RABGAP1L: variants seen among roughly 807,000 people sequenced by gnomAD.
The protein encoded by RABGAP1L is rab GTPase-activating protein 1-like.
Under a neutral mutation model 137.7 loss-of-function variants are expected in RABGAP1L, and 63 were observed. That is an observed-to-expected ratio of 0.46 (90% CI 0.37 to 0.56). The LOEUF (loss-of-function observed/expected upper bound fraction) is 0.56. Ranked by LOEUF, RABGAP1L falls within the 20% of genes least tolerant of loss-of-function variation. The probability of loss-of-function intolerance (pLI) is 0.00; values close to 1 mark genes in which losing one functional copy is unlikely to be tolerated. For synonymous variants in RABGAP1L, 431 were observed against 433.7 expected, an observed-to-expected ratio of 0.99 and a Z score of 0.08; for missense variants, 1,095 against 1,244.0, an observed-to-expected ratio of 0.88 and a Z score of 1.80.
intron 11 of RABGAP1L, among the ~76,000 whole-genome samples, chr1:174,356,755 G>A (rs1004676182): frequency 5.9e-5 from 9 of 152,034 alleles, no homozygotes; most frequent in African/African-American, 2.2e-4. Flanking sequence ...GATAATAAGA[G>A]ATAAAACAAA....
At chr1:174,937,474 T>TG (rs1468396510) in intron 19 of RABGAP1L, among the ~76,000 whole-genome samples, 1 of 147,948 alleles carries the variant, frequency 6.8e-6, no homozygotes, top group Non-Finnish European at 1.5e-5. Context: ...TTAGTAGAGA[T>TG]GGGGTTTCAC....
intron 19 of RABGAP1L, among the ~76,000 whole-genome samples, chr1:174,921,396 A>T (rs1014080357): frequency 6.6e-6 from 1 of 152,220 alleles, no homozygotes; most frequent in African/African-American, 2.4e-5. Flanking sequence ...GTGGACAGAT[A>T]CATTTGTTTT....
chr1:174,761,888 T>C lies in RABGAP1L; in HGVS notation c.2211+9534T>C, dbSNP rs147153338. On this transcript the variant is annotated intron_variant, in intron 18 of 25. Coordinates refer to ENST00000681986, the MANE Select transcript of RABGAP1L (RefSeq NM_001366446.1). The surrounding 1 kb of genome is among the most constrained non-coding windows in gnomAD (Gnocchi z 4.0). The stretch of plus-strand genomic sequence containing the variant: ...CCATATCAACAATAAACATAATAAA[T>C]ATATAAATATAGTATATTAGAAGTT... Among the ~76,000 whole-genome samples, 409 of 152,074 alleles carry C rather than the reference T, an allele frequency of 2.7e-3. 1 individual carries two copies. Among genetic ancestry groups the C allele is most frequent in the Non-Finnish European group, 4.8e-3 (329 of 67,996 alleles).
At chr1:174,744,295 A>C (rs1558038722) in intron 17 of RABGAP1L, among the ~76,000 whole-genome samples, 1 of 152,134 alleles carries the variant, frequency 6.6e-6, no homozygotes, top group Non-Finnish European at 1.5e-5. Flanking sequence ...TTTGGCTAAT[A>C]TTCTAAATAT....
At chr1:174,824,456 C>T (rs1691367903) in intron 19 of RABGAP1L, among the ~76,000 whole-genome samples, 1 of 152,094 alleles carries the variant, frequency 6.6e-6, no homozygotes, top group African/African-American at 2.4e-5. Context: ...GATCGTGCCA[C>T]TGCACTCTGG....
intron 17 of RABGAP1L, among the ~76,000 whole-genome samples, chr1:174,751,104 T>G (rs997943915): frequency 1.3e-4 from 20 of 152,220 alleles, no homozygotes; most frequent in Admixed American, 5.2e-4. Flanking sequence ...CTGATTATAC[T>G]TATTTCCTAT....
intron 14 of RABGAP1L, among the ~76,000 whole-genome samples, chr1:174,639,308 T>G (rs1444691090): frequency 6.6e-6 from 1 of 152,304 alleles, no homozygotes; most frequent in Middle Eastern, 3.4e-3. Context: ...GAGAGTATAC[T>G]GATCTTTAGA....
chr1:174,948,341 C>T (rs1038272727), intron 19 of RABGAP1L, among the ~76,000 whole-genome samples: 1 of 151,582 alleles, frequency 6.6e-6, no homozygotes. Flanking sequence ...GTCAACATAG[C>T]GAGACCCTGT....
intron 19 of RABGAP1L, among the ~76,000 whole-genome samples, chr1:174,913,643 C>T (rs147954334): frequency 6.6e-6 from 1 of 152,188 alleles, no homozygotes; most frequent in African/African-American, 2.4e-5. Flanking sequence ...CTGCCATGGT[C>T]GTATTTTAAA....
intron 19 of RABGAP1L, among the ~76,000 whole-genome samples, chr1:174,835,922 G>C (rs1288530035): frequency 6.6e-6 from 1 of 152,154 alleles, no homozygotes; most frequent in Non-Finnish European, 1.5e-5. Flanking sequence ...CACCCAAAGT[G>C]ACCTCGGAAG....
At chr1:174,661,716 G>C (rs1007887125) in intron 14 of RABGAP1L, among the ~76,000 whole-genome samples, 1 of 152,088 alleles carries the variant, frequency 6.6e-6, no homozygotes, top group Non-Finnish European at 1.5e-5. Context: ...ATACCATTAT[G>C]CATCCTGTAA....
intron 13 of RABGAP1L, among the ~76,000 whole-genome samples, chr1:174,412,092 A>G (rs2149132871): frequency 6.6e-6 from 1 of 152,210 alleles, no homozygotes; most frequent in Non-Finnish European, 1.5e-5. Context: ...GAAGTTCCCC[A>G]CTATTACTGT....
chr1:174,939,028 T>C (rs549837641), intron 19 of RABGAP1L, among the ~76,000 whole-genome samples: 1 of 152,228 alleles, frequency 6.6e-6, no homozygotes, highest in Non-Finnish European at 1.5e-5. Context: ...TTTACTTGTG[T>C]TTGGCCAAGC....
intron 1 of RABGAP1L, among the ~76,000 whole-genome samples, chr1:174,195,399 T>C (rs1188105855): frequency 6.6e-6 from 1 of 152,204 alleles, no homozygotes; most frequent in Non-Finnish European, 1.5e-5. Flanking sequence ...AATTTTTCCC[T>C]ATATACTCAA....
At chr1:174,890,550 A>G (rs1655955955) in intron 19 of RABGAP1L, among the ~76,000 whole-genome samples, 1 of 152,234 alleles carries the variant, frequency 6.6e-6, no homozygotes, top group Non-Finnish European at 1.5e-5. Flanking sequence ...ATTTTACTTT[A>G]TAAATAATAC....
intron 11 of RABGAP1L, among the ~76,000 whole-genome samples, chr1:174,330,601 CAAA>C (rs755303763): frequency 3.3e-4 from 50 of 151,714 alleles, no homozygotes; most frequent in Non-Finnish European, 6.3e-4. Flanking sequence ...AACAAACAAA[CAAA>C]CAAAACACCT....
At chr1:174,298,350 A>G (rs959287851) in intron 10 of RABGAP1L, among the ~76,000 whole-genome samples, 2 of 152,176 alleles carry the variant, frequency 1.3e-5, no homozygotes, top group Middle Eastern at 3.2e-3. Context: ...GCTCTCACCT[A>G]TGTCTCTTTC....
intron 13 of RABGAP1L, among the ~76,000 whole-genome samples, chr1:174,625,600 A>C (rs1474837503): frequency 6.6e-6 from 1 of 152,178 alleles, no homozygotes; most frequent in Admixed American, 6.5e-5. Context: ...ATCTGGCCTT[A>C]CAGTCACTTT....
intron 4 of RABGAP1L, among the ~76,000 whole-genome samples, chr1:174,240,053 G>A (rs2148550564): frequency 1.3e-5 from 2 of 152,284 alleles, no homozygotes; most frequent in Admixed American, 1.3e-4. Context: ...TTTTCAAAGT[G>A]TCTTCTATGC....
Sources: allele counts gnomAD v4.1 joint callset (sites outside exome capture counted in the v4.1 genomes callset), GRCh38; gene constraint gnomAD v4.1.1; non-coding constraint Gnocchi (gnomAD v3.1); transcripts MANE v1.5; gene names NCBI Gene and HGNC (gene_info 2026-07-23, HGNC 2026-07-21).